CCDC77: variants seen among roughly 807,000 people sequenced by gnomAD.
CCDC77 encodes coiled-coil domain-containing protein 77.
Under a neutral mutation model 66.8 loss-of-function variants are expected in CCDC77, and 56 were observed. That is an observed-to-expected ratio of 0.84 (90% CI 0.68 to 1.05). The LOEUF is 1.05. Among genes scored for constraint, CCDC77 ranks in the 50% least tolerant of loss-of-function variants. The pLI, the probability that CCDC77 is intolerant of heterozygous loss-of-function variation, is 0.00. For synonymous variants in CCDC77, 196 were observed against 195.2 expected, an observed-to-expected ratio of 1.00 and a Z score of -0.03; for missense variants, 570 against 576.8, an observed-to-expected ratio of 0.99 and a Z score of 0.12.
chr12:392,878 T>G (rs1944775407), intron 1 of CCDC77, among the ~76,000 whole-genome samples: 3 of 152,120 alleles, frequency 2.0e-5, no homozygotes, highest in African/African-American at 7.2e-5. Context: ...ACTTTTATAT[T>G]TAAATACATT....
Position 438,366 on chromosome 12 carries a change from A to C in CCDC77, c.853A>C (p.Ser285Arg), listed in dbSNP as rs770947481. 3 of 1,613,942 alleles carry C rather than the reference A, an allele frequency of 1.9e-6. No homozygotes were observed. The highest frequency in any genetic ancestry group is 1.6e-4 in the Middle Eastern group (1 of 6,084). Residue 285 changes from serine (S) to arginine (R), a missense_variant, in exon 10 of 13, where the codon AGC becomes CGC. Coordinates refer to ENST00000239830, the MANE Select transcript of CCDC77 (RefSeq NM_032358.4). ...CCACACCCAAGAACTGCTCTATGAG[A>C]GCACCAAAGATTTTCTGCAACTCAG... Reference protein sequence around the residue: ...LHHTQELLYESTKDFLQLRSE... With the variant: ...LHHTQELLYERTKDFLQLRSE...
intron 5 of CCDC77, among the ~76,000 whole-genome samples, chr12:421,379 TA>T (rs1349181085): frequency 2.7e-4 from 2 of 7,394 alleles, no homozygotes; most frequent in African/African-American, 2.1e-3. Context: ...AGTGAGAGGG[TA>T]AAATACACAT....
intron 4 of CCDC77, among the ~76,000 whole-genome samples, chr12:418,080 A>T (rs1248256643): frequency 1.3e-5 from 2 of 152,186 alleles, no homozygotes; most frequent in Non-Finnish European, 2.9e-5. Context: ...GTACTTTGGG[A>T]GACTGAGGCG....
chr12:393,046 G>A (rs1944779312), intron 1 of CCDC77, among the ~76,000 whole-genome samples: 1 of 151,496 alleles, frequency 6.6e-6, no homozygotes, highest in Non-Finnish European at 1.5e-5. Flanking sequence ...TGTTCTTTTG[G>A]TTGGAATATA....
intron 2 of CCDC77, among the ~76,000 whole-genome samples, chr12:408,386 C>G (rs542362928): frequency 2.0e-5 from 3 of 151,062 alleles, no homozygotes; most frequent in African/African-American, 7.3e-5. Context: ...TTATGAAGAG[C>G]CTTTTAAAGT....
At chr12:435,869 G>A (rs555110956) in intron 9 of CCDC77, among the ~76,000 whole-genome samples, 4 of 152,080 alleles carry the variant, frequency 2.6e-5, no homozygotes, top group East Asian at 1.9e-4. Context: ...CTTCCAAGTC[G>A]CTAGGATTAC....
At chr12:408,552 G>A (rs955652560) in intron 2 of CCDC77, among the ~76,000 whole-genome samples, 4 of 152,098 alleles carry the variant, frequency 2.6e-5, no homozygotes, top group African/African-American at 9.7e-5. Context: ...GGGAGTGGGG[G>A]CAGGGGAAGT....
intron 9 of CCDC77, among the ~76,000 whole-genome samples, chr12:436,276 C>A (rs1465964169): frequency 1.3e-5 from 2 of 151,746 alleles, no homozygotes; most frequent in African/African-American, 4.8e-5. Context: ...CACCACCACG[C>A]CCGGCTAATT....
intron 6 of CCDC77, among the ~76,000 whole-genome samples, chr12:430,167 AT>A (rs1945625039): frequency 6.7e-6 from 1 of 148,814 alleles, no homozygotes. Flanking sequence ...CTAATTTTGT[AT>A]TTTTTATAGA....
chr12:418,901 G>A, intron 5 of CCDC77: 1 of 357,220 alleles, frequency 2.8e-6, no homozygotes, highest in Non-Finnish European at 5.2e-6. Flanking sequence ...GTTTTGCCCT[G>A]TCAGCCACGC....
In CCDC77 at chr12:411,586, G is replaced by A. The variant is rs768090120; in HGVS notation, c.39-161G>A. 5.9e-5 allele frequency among the ~76,000 whole-genome samples: 9 copies of A among 151,898 alleles called. No individual in the cohort carries two copies. The South Asian group carries it at 6.2e-4, about 11-fold the overall frequency. ...TCCCACCTTGGCCTCCAAAAGTGCTGGGATTACAGGCATGAGCCACTATGC... is the reference window on the plus strand; with the variant it reads ...TCCCACCTTGGCCTCCAAAAGTGCTAGGATTACAGGCATGAGCCACTATGC... On this transcript the variant is annotated intron_variant, in intron 3 of 12. Coordinates refer to ENST00000239830, the MANE Select transcript of CCDC77 (RefSeq NM_032358.4).
rs773515155 is a variant in CCDC77, at chr12:430,614, A to G, written c.511-50A>G. 4 of 1,363,430 alleles carry G rather than the reference A, an allele frequency of 2.9e-6. No homozygotes were observed. In the South Asian group the frequency reaches 4.6e-5, roughly 16 times the overall value. The allele number at this position is 1,363,430 out of a possible 1,614,324, so 84.5% of individuals were successfully genotyped here. The stretch of plus-strand genomic sequence containing the variant: ...TGCAGAACTAAGGCTGAAAAGTAAA[A>G]TATTACGTTTATAGGAAGGCTACTT... On this transcript the variant is annotated intron_variant, in intron 6 of 12. Coordinates refer to ENST00000239830, the MANE Select transcript of CCDC77 (RefSeq NM_032358.4).
At chr12:408,238 C>T (rs1945036758) in intron 2 of CCDC77, among the ~76,000 whole-genome samples, 1 of 152,158 alleles carries the variant, frequency 6.6e-6, no homozygotes, top group Admixed American at 6.6e-5. Flanking sequence ...CTCCCTCTCT[C>T]CTTCTGTCTC....
Position 442,064 on chromosome 12 carries a change from G to T in CCDC77, c.*144G>T. The T allele has an allele frequency of 1.2e-6, 1 of 834,040 alleles. No homozygotes were observed. The highest frequency in any genetic ancestry group is 1.9e-6 in the Non-Finnish European group (1 of 531,428). The allele number at this position is 834,040 out of a possible 1,614,324, so 51.7% of individuals were successfully genotyped here. A position where few individuals can be genotyped will look rare whatever the true frequency, so the allele number is the denominator to read the frequency against. On this transcript the variant is annotated 3_prime_UTR_variant, in exon 13 of 13. Coordinates refer to ENST00000239830, the MANE Select transcript of CCDC77 (RefSeq NM_032358.4). Reference sequence around the variant, plus strand: ...TTGTAAAGACAGCTTGAAGAATCGGGGACCACTAGGAAAGCTTTTCTTGCA... The same window carrying T: ...TTGTAAAGACAGCTTGAAGAATCGGTGACCACTAGGAAAGCTTTTCTTGCA...
chr12:411,746 G>A lies in CCDC77; in HGVS notation c.39-1G>A. 2 of 1,610,502 alleles carry A rather than the reference G, an allele frequency of 1.2e-6. No individual in the cohort carries two copies. Among genetic ancestry groups the A allele is most frequent in the Non-Finnish European group, 1.7e-6 (2 of 1,177,930 alleles). ...AATATATCATTTCTAATTTCACGTA[G>A]GCGAACAGTTGTCTCCAAACGTGGT... is the stretch of plus-strand genomic sequence containing the variant. On this transcript the variant is annotated splice_acceptor_variant, in intron 3 of 12. Transcript: ENST00000239830. LOFTEE classifies it high-confidence loss of function.
At chr12:411,401 A>G (rs1945106724) in intron 3 of CCDC77, among the ~76,000 whole-genome samples, 1 of 152,012 alleles carries the variant, frequency 6.6e-6, no homozygotes, top group South Asian at 2.1e-4. Flanking sequence ...GCTGGTCTCG[A>G]ACTCCTGAGC....
rs1214195886 is a variant in CCDC77 at position 438,411 on chromosome 12, G to A, written c.898G>A (p.Glu300Lys). ...LQLRSENQNK[E>K]KSWMLEKDNL... Reference sequence around the variant, plus strand: ...ACTCAGATCTGAAAACCAAAATAAAGAGAAGTCATGGATGCTTGAAAAAGA... The same window carrying A: ...ACTCAGATCTGAAAACCAAAATAAAAAGAAGTCATGGATGCTTGAAAAAGA... Residue 300 changes from glutamate (E) to lysine (K), a missense_variant, in exon 10 of 13, where the codon GAG becomes AAG. Glu to Lys is a moderately conservative substitution (Grantham distance 56). Transcript: ENST00000239830. 6.2e-7 allele frequency: 1 copy of A among 1,613,882 alleles called. No individual in the cohort carries two copies. Among genetic ancestry groups the A allele is most frequent in the African/African-American group, 1.3e-5 (1 of 74,904 alleles).
In CCDC77 at chr12:426,842, G is replaced by A. The variant is rs566856357; in HGVS notation, c.414-1927G>A. On this transcript the variant is annotated intron_variant, in intron 5 of 12. Transcript: ENST00000239830. The stretch of plus-strand genomic sequence containing the variant: ...CCTCTTCCCCAGTATACAGTTACTT[G>A]AATAAATGGCTATAGACCCTTTGGA... 3.8e-3 allele frequency among the ~76,000 whole-genome samples: 572 copies of A among 152,238 alleles called. 2 individuals carry two copies. The highest frequency in any genetic ancestry group is 7.0e-3 in the Non-Finnish European group (474 of 68,018).
intron 3 of CCDC77, 22 bp from the exon 4 acceptor site, chr12:411,725 T>C (rs1945115227): frequency 6.3e-6 from 10 of 1,592,056 alleles, no homozygotes; most frequent in Non-Finnish European, 7.7e-6. Flanking sequence ...GTGATGAATA[T>C]ATCATTTCTA....
Sources: allele counts gnomAD v4.1 joint callset (sites outside exome capture counted in the v4.1 genomes callset), GRCh38; gene constraint gnomAD v4.1.1; transcripts MANE v1.5; gene names NCBI Gene and HGNC (gene_info 2026-07-23, HGNC 2026-07-21).